The following SERINC1 variants were observed in gnomAD, a reference collection of about 807,000 sequenced individuals.
The protein encoded by SERINC1 is tumor differentially expressed protein 2.
A neutral mutation model predicts 52.9 loss-of-function variants in SERINC1; 38 were observed. The ratio of observed to expected loss-of-function variants is 0.72; its 90% CI spans 0.55 to 0.94. SERINC1 has a LOEUF of 0.94. SERINC1 is among the 40% of genes least tolerant of loss of function. The pLI, the probability that SERINC1 is intolerant of heterozygous loss-of-function variation, is 0.00. For synonymous variants in SERINC1, 198 were observed against 183.1 expected, an observed-to-expected ratio of 1.08 and a Z score of -0.66; for missense variants, 471 against 533.9, an observed-to-expected ratio of 0.88 and a Z score of 1.16.
chr6:122,457,778 T>C (rs923768536), intron 2 of SERINC1, among the ~76,000 whole-genome samples: 3 of 147,178 alleles, frequency 2.0e-5, no homozygotes, highest in Admixed American at 7.0e-5. Flanking sequence ...ATTCTTGTTA[T>C]AGCAGCCTGA....
intron 1 of SERINC1, among the ~76,000 whole-genome samples, chr6:122,470,977 A>C (rs1775282568): frequency 1.3e-5 from 2 of 151,514 alleles, no homozygotes; most frequent in African/African-American, 4.9e-5. Flanking sequence ...ATGAAAATGC[A>C]ATGTACAGCT....
chr6:122,459,678 G>A (rs1174004173), intron 1 of SERINC1, among the ~76,000 whole-genome samples: 1 of 152,016 alleles, frequency 6.6e-6, no homozygotes, highest in Non-Finnish European at 1.5e-5. Flanking sequence ...AATCCAGTAA[G>A]AAAAGGAAAT....
Position 122,445,049 on chromosome 6 carries a change from C to CA in SERINC1, c.1356dup (p.Asp453Ter), listed in dbSNP as rs1774763631. On this transcript the variant is annotated frameshift_variant, in exon 10 of 10. Transcript: ENST00000339697. LOFTEE classifies it high-confidence loss of function. ...TTTCATGCTAGAAGTCTCACTCAGT[C>CA]AAAATCACGATTTGTAAGAACAAGT... 2 of 1,612,636 alleles carry CA rather than the reference C, an allele frequency of 1.2e-6. No homozygotes were observed. Among genetic ancestry groups the CA allele is most frequent in the South Asian group, 1.1e-5 (1 of 90,594 alleles).
intron 1 of SERINC1, among the ~76,000 whole-genome samples, chr6:122,467,362 C>T (rs1004977864): frequency 2.6e-5 from 4 of 152,056 alleles, no homozygotes; most frequent in Non-Finnish European, 4.4e-5. Flanking sequence ...CCCAGCACTT[C>T]GGGAGGCCAA....
Position 122,470,141 on chromosome 6 carries a change from T to C in SERINC1, c.39+1558A>G, listed in dbSNP as rs554868695. Among the ~76,000 whole-genome samples, 62 of 152,286 alleles carry C rather than the reference T, an allele frequency of 4.1e-4. 1 individual carries two copies. The highest frequency in any genetic ancestry group is 1.3e-3 in the African/African-American group (54 of 41,574). ...TGAGGTTACACTTAAGCCCAGCAGT[T>C]CCAGGCTGCAGTTCACTACGACCAT... On this transcript the variant is annotated intron_variant, in intron 1 of 9. Transcript: ENST00000339697.
intron 1 of SERINC1, among the ~76,000 whole-genome samples, chr6:122,469,044 C>A (rs928495816): frequency 6.6e-6 from 1 of 151,778 alleles, no homozygotes; most frequent in Non-Finnish European, 1.5e-5. Flanking sequence ...AATTAACAAT[C>A]AAAAAAAGAG....
chr6:122,466,171 T>G (rs747180106), intron 1 of SERINC1, among the ~76,000 whole-genome samples: 10 of 152,162 alleles, frequency 6.6e-5, no homozygotes, highest in Non-Finnish European at 1.0e-4. Context: ...TTGCTCGAAC[T>G]TGGGAGGCGG....
At position 122,447,011 on chromosome 6, in the gene SERINC1, G is replaced by A; in HGVS notation, c.996-7C>T. On this transcript the variant is annotated splice_polypyrimidine_tract_variant and splice_region_variant and intron_variant, in intron 8 of 9. Coordinates refer to ENST00000339697, the MANE Select transcript of SERINC1 (RefSeq NM_020755.4). ...ATTGTTTGAAGTACGGATGCTGTAT[G>A]AAAGAGAGTTTAGGAGGAGAGAAAA... is the stretch of plus-strand genomic sequence containing the variant. 1 of 1,595,960 alleles carries A rather than the reference G, an allele frequency of 6.3e-7. No homozygotes were observed. Among genetic ancestry groups the A allele is most frequent in the Non-Finnish European group, 8.6e-7 (1 of 1,163,920 alleles).
chr6:122,470,876 C>A (rs568284724), intron 1 of SERINC1, among the ~76,000 whole-genome samples: 43 of 151,958 alleles, frequency 2.8e-4, no homozygotes, highest in Non-Finnish European at 5.3e-4. Context: ...TTGGAGGGGG[C>A]AGAGATTATC....
chr6:122,459,043 GC>G (rs150412379), intron 1 of SERINC1, among the ~76,000 whole-genome samples: 1 of 152,052 alleles, frequency 6.6e-6, no homozygotes, highest in Admixed American at 6.6e-5. Flanking sequence ...CTGACCTTTA[GC>G]CCCCAGATAC....
intron 7 of SERINC1, 45 bp downstream of exon 7, chr6:122,451,619 A>T: frequency 1.4e-6 from 1 of 740,578 alleles, no homozygotes; most frequent in Non-Finnish European, 2.3e-6. Context: ...TGGAAAAACA[A>T]CAACTGCAGA....
chr6:122,465,080 G>T (rs1232917575), intron 1 of SERINC1, among the ~76,000 whole-genome samples: 1 of 152,038 alleles, frequency 6.6e-6, no homozygotes, highest in African/African-American at 2.4e-5. Context: ...AAAAGAACTA[G>T]ATCTTTTGTT....
intron 2 of SERINC1, among the ~76,000 whole-genome samples, chr6:122,457,775 T>G (rs1562215453): frequency 6.7e-6 from 1 of 148,914 alleles, no homozygotes. Context: ...GATATTCTTG[T>G]TATAGCAGCC....
chr6:122,467,899 C>T (rs999954174), intron 1 of SERINC1, among the ~76,000 whole-genome samples: 5 of 152,158 alleles, frequency 3.3e-5, no homozygotes, highest in East Asian at 1.9e-4. Flanking sequence ...GCTAAATCTT[C>T]GTCTTCCATA....
chr6:122,451,720 G>T lies in SERINC1; in HGVS notation c.794C>A (p.Ser265Ter), dbSNP rs1480653603. The change falls in exon 7 of 10, where the codon TCA becomes TAA. Residue 265 changes from serine (S) to a stop codon, truncating the protein, a stop_gained. Transcript: ENST00000339697. LOFTEE classifies it high-confidence loss of function. ...SQPRSGLLQS[S>*]VITVYTMYLT... ...ATACATTGTGTAGACTGTAATTACT[G>T]AAGACTGTAACAAACCAGATCTTGG... 1.0e-6 allele frequency: 1 copy of T among 982,092 alleles called. No homozygotes were observed. The highest frequency in any genetic ancestry group is 1.3e-6 in the Non-Finnish European group (1 of 757,810). The allele number at this position is 982,092 out of a possible 1,614,324, so 60.8% of individuals were successfully genotyped here.
intron 7 of SERINC1, among the ~76,000 whole-genome samples, chr6:122,449,389 C>T (rs1774865578): frequency 6.6e-6 from 1 of 152,168 alleles, no homozygotes; most frequent in South Asian, 2.1e-4. Context: ...CCAGTGAACA[C>T]AAACACACAA....
intron 1 of SERINC1, among the ~76,000 whole-genome samples, chr6:122,459,124 A>G (rs1775055304): frequency 6.6e-6 from 1 of 152,196 alleles, no homozygotes; most frequent in East Asian, 1.9e-4. Flanking sequence ...AAGTGAATTG[A>G]TATATTTTCC....
chr6:122,468,913 C>T (rs751680093), intron 1 of SERINC1, among the ~76,000 whole-genome samples: 1 of 152,074 alleles, frequency 6.6e-6, no homozygotes, highest in Admixed American at 6.6e-5. Context: ...AAAATCAATT[C>T]TGTCTACTCA....
rs751628877 is a variant in SERINC1 at position 122,451,905 on chromosome 6, T to C, written c.742A>G (p.Ile248Val). Residue 248 changes from isoleucine (I) to valine (V), a missense_variant, in exon 6 of 10, where the codon ATA (isoleucine) becomes GTA (valine). By Grantham distance (29) the Ile-to-Val change is conservative. Coordinates refer to ENST00000339697, the MANE Select transcript of SERINC1 (RefSeq NM_020755.4). ...LLCVGASVMSILPKIQESQPR... is the reference protein window; with the variant it reads ...LLCVGASVMSVLPKIQESQPR... ...GGGCATACTTGGATTTTTGGCAGTATAGACATTACAGAAGCACCAACGCAG... is the reference window on the plus strand; with the variant it reads ...GGGCATACTTGGATTTTTGGCAGTACAGACATTACAGAAGCACCAACGCAG... 8 of 1,570,930 alleles carry C rather than the reference T, an allele frequency of 5.1e-6. No homozygotes were observed. Among genetic ancestry groups the C allele is most frequent in the South Asian group, 3.5e-5 (3 of 84,576 alleles).
Sources: allele counts gnomAD v4.1 joint callset (sites outside exome capture counted in the v4.1 genomes callset), GRCh38; gene constraint gnomAD v4.1.1; transcripts MANE v1.5; gene names NCBI Gene and HGNC (gene_info 2026-07-23, HGNC 2026-07-21).